Variants in IGSF11 observed in about 807,000 individuals in gnomAD.
The protein encoded by IGSF11 is immunoglobulin superfamily member 11.
A neutral mutation model predicts 41.0 loss-of-function variants in IGSF11; 22 were observed. The ratio of observed to expected loss-of-function variants is 0.54; its 90% CI spans 0.38 to 0.77. IGSF11 has a LOEUF of 0.77. IGSF11 is among the 30% of genes least tolerant of loss of function. IGSF11 has a pLI of 0.00. For missense variants in IGSF11, 444 were observed against 530.8 expected (o/e 0.84, Z 1.61); for synonymous variants, 219 against 201.3 (o/e 1.09, Z -0.74).
chr3:119,115,295 G>A (rs6795655), intron 1 of IGSF11, among the ~76,000 whole-genome samples: 51,476 of 152,068 alleles, frequency 0.34, 8,895 homozygotes, highest in African/African-American at 0.38. Context: ...ATAAGGTAGC[G>A]CTATTTTTAG....
At chr3:119,017,902 C>G (rs984087151) in intron 1 of IGSF11, among the ~76,000 whole-genome samples, 1 of 150,964 alleles carries the variant, frequency 6.6e-6, no homozygotes, top group African/African-American at 2.4e-5. Flanking sequence ...CCTGCCTCAG[C>G]CTCCCTAGTA....
chr3:119,008,242 G>A (rs1409991248), intron 1 of IGSF11, among the ~76,000 whole-genome samples: 3 of 152,138 alleles, frequency 2.0e-5, no homozygotes, highest in Non-Finnish European at 4.4e-5. Flanking sequence ...AGCCACATTT[G>A]TCTAAAATAG....
intron 4 of IGSF11, among the ~76,000 whole-genome samples, chr3:118,917,009 T>G (rs1941194949): frequency 6.6e-6 from 1 of 152,116 alleles, no homozygotes; most frequent in African/African-American, 2.4e-5. Context: ...GGATGACTAC[T>G]GGGTACATAA....
chr3:119,118,497 T>G (rs114515641), intron 1 of IGSF11, among the ~76,000 whole-genome samples: 3,609 of 152,324 alleles, frequency 0.024, 63 homozygotes, highest in Middle Eastern at 0.044. Context: ...CACAGGAACC[T>G]TGGGCTCAGC....
intron 1 of IGSF11, among the ~76,000 whole-genome samples, chr3:119,136,533 A>G (rs542619545): frequency 6.6e-6 from 1 of 152,302 alleles, no homozygotes; most frequent in Admixed American, 6.5e-5. Context: ...CTATATTTAT[A>G]TCAGACAAAA....
chr3:119,037,159 T>A (rs1940947299), upstream of IGSF11, among the ~76,000 whole-genome samples: 1 of 152,232 alleles, frequency 6.6e-6, no homozygotes, highest in Non-Finnish European at 1.5e-5. Context: ...TTTCACCAGC[T>A]CTTTTATCCT....
At chr3:118,968,812 G>A (rs921363385) in intron 1 of IGSF11, among the ~76,000 whole-genome samples, 5 of 152,150 alleles carry the variant, frequency 3.3e-5, no homozygotes, top group Admixed American at 3.3e-4. Context: ...ACACCATCAA[G>A]GTTTCTAAAA....
intron 1 of IGSF11, among the ~76,000 whole-genome samples, chr3:119,080,806 C>T (rs911497039): frequency 2.2e-4 from 34 of 152,126 alleles, no homozygotes; most frequent in African/African-American, 8.0e-4. Context: ...AAAGTCCATG[C>T]TTAATTTGCA....
At chr3:119,106,560 T>C (rs1256311954), upstream of IGSF11, among the ~76,000 whole-genome samples, 1 of 152,184 alleles carries the variant, frequency 6.6e-6, no homozygotes, top group Non-Finnish European at 1.5e-5. Context: ...GGCTGAATAG[T>C]ACTCCATTGT....
chr3:118,957,640 A>G (rs1345989805), intron 1 of IGSF11, among the ~76,000 whole-genome samples: 1 of 152,176 alleles, frequency 6.6e-6, no homozygotes, highest in Middle Eastern at 3.2e-3. Context: ...ATTTTCTCCA[A>G]TCACTATTTA....
intron 1 of IGSF11, among the ~76,000 whole-genome samples, chr3:119,017,803 A>T (rs1938885347): frequency 8.1e-6 from 1 of 122,800 alleles, no homozygotes. Context: ...TTTTTTTGAG[A>T]CAGAGTTTCA....
chr3:118,996,037 G>A (rs1369734198), intron 1 of IGSF11, among the ~76,000 whole-genome samples: 1 of 152,162 alleles, frequency 6.6e-6, no homozygotes, highest in African/African-American at 2.4e-5. Context: ...ACCTGCCTCA[G>A]CCTCCCAAAG....
Position 118,989,416 on chromosome 3 carries a change from A to G in IGSF11, c.52+45115T>C, listed in dbSNP as rs567320014. ...CACCCAGGCTGGAGTGCAGTGGCGC[A>G]ATCTCAGCTCACTGCAACCTCCGCC... On this transcript the variant is annotated intron_variant, in intron 1 of 6. Transcript: ENST00000393775. 7.5e-3 allele frequency among the ~76,000 whole-genome samples: 1,147 copies of G among 151,992 alleles called. 12 individuals carry two copies. Among genetic ancestry groups the G allele is most frequent in the African/African-American group, 0.026 (1,089 of 41,436 alleles).
intron 1 of IGSF11, among the ~76,000 whole-genome samples, chr3:118,999,446 A>G (rs189849798): frequency 1.3e-3 from 193 of 152,320 alleles, no homozygotes; most frequent in Non-Finnish European, 2.4e-3. Flanking sequence ...GTAATATGAC[A>G]TATAAAATTC....
At chr3:118,979,668 A>C (rs1232530332) in intron 1 of IGSF11, among the ~76,000 whole-genome samples, 1 of 152,222 alleles carries the variant, frequency 6.6e-6, no homozygotes, top group Non-Finnish European at 1.5e-5. Flanking sequence ...ACAAAAACAA[A>C]AATAGACAAA....
At chr3:119,059,682 T>C (rs1941992797) in intron 1 of IGSF11, among the ~76,000 whole-genome samples, 1 of 152,140 alleles carries the variant, frequency 6.6e-6, no homozygotes, top group South Asian at 2.1e-4. Flanking sequence ...CCAAGCTTTT[T>C]TTTCCTGCTA....
chr3:119,119,699 A>T (rs1237132447), intron 1 of IGSF11, among the ~76,000 whole-genome samples: 4 of 152,038 alleles, frequency 2.6e-5, no homozygotes, highest in African/African-American at 9.7e-5. Context: ...CTCCCAGAAA[A>T]ATTTCAATTC....
At chr3:119,131,777 A>G (rs1488518657) in intron 1 of IGSF11, among the ~76,000 whole-genome samples, 2 of 152,216 alleles carry the variant, frequency 1.3e-5, no homozygotes, top group Non-Finnish European at 2.9e-5. Context: ...AAATGAAGGG[A>G]AAAAGGTTAA....
intron 1 of IGSF11, among the ~76,000 whole-genome samples, chr3:119,022,077 A>G (rs944925704): frequency 3.3e-5 from 5 of 152,232 alleles, no homozygotes; most frequent in Non-Finnish European, 5.9e-5. Context: ...ATACTCATAC[A>G]ATGAAAAATT....
Sources: gnomAD v4.1 joint callset for allele counts (sites outside exome capture counted in the v4.1 genomes callset) on GRCh38, gnomAD v4.1.1 for gene constraint, MANE v1.5 for transcripts, NCBI Gene and HGNC (gene_info 2026-07-23, HGNC 2026-07-21) for gene names.